SHOX: variants seen among roughly 807,000 people sequenced by gnomAD.
SHOX encodes SHOX homeobox.
SHOX carries 12 observed loss-of-function variants against 29.6 expected under a neutral mutation model. The ratio of observed to expected loss-of-function variants is 0.41; its 90% CI spans 0.26 to 0.66. The LOEUF (loss-of-function observed/expected upper bound fraction) is 0.66. Among genes scored for constraint, SHOX ranks in the 30% least tolerant of loss-of-function variants. The pLI is 0.35. For missense variants in SHOX, 499 were observed against 437.7 expected, an observed-to-expected ratio of 1.14 and a Z score of -1.25; for synonymous variants, 214 against 200.6, an observed-to-expected ratio of 1.07 and a Z score of -0.57.
At chrX:657,192 A>C (rs1217025104) in intron 5 of SHOX, among the ~76,000 whole-genome samples, 1 of 152,204 alleles carries the variant, frequency 6.6e-6, no homozygotes, top group African/African-American at 2.4e-5. Flanking sequence ...AAAGCAATTC[A>C]CACAGAAATC....
chrX:625,641 C>A lies in SHOX; in HGVS notation c.-433+1039C>A, dbSNP rs1603281676. The stretch of plus-strand genomic sequence containing the variant: ...TCTGTCTCTGTCTGTATCTCTATCT[C>A]TGTCTCTCTTTCTCTCTGTCTTCGT... On this transcript the variant is annotated intron_variant, in intron 1 of 5. Transcript: ENST00000334060. Among the ~76,000 whole-genome samples the A allele has an allele frequency of 5.3e-5, 8 of 149,960 alleles. No homozygotes were observed. The South Asian group carries it at 8.9e-4, about 17-fold the overall frequency.
intron 5 of SHOX, among the ~76,000 whole-genome samples, chrX:658,271 G>A (rs1210328851): frequency 2.0e-5 from 3 of 151,922 alleles, no homozygotes; most frequent in East Asian, 1.9e-4. Flanking sequence ...CAGCACGCCC[G>A]GCCCCAGGTG....
chrX:629,983 C>T (rs1175566001), upstream of SHOX, among the ~76,000 whole-genome samples: 1 of 152,202 alleles, frequency 6.6e-6, no homozygotes, highest in Non-Finnish European at 1.5e-5. Flanking sequence ...CAGCGCGGCG[C>T]TAAGGGAGGA....
intron 1 of SHOX, among the ~76,000 whole-genome samples, chrX:625,737 T>C (rs1402509720): frequency 6.7e-6 from 1 of 148,950 alleles, no homozygotes; most frequent in East Asian, 2.0e-4. Context: ...CCTCTCTCTC[T>C]GTCTCTTTTT....
At chrX:639,284 G>A (rs752989829) in intron 2 of SHOX, among the ~76,000 whole-genome samples, 5 of 152,312 alleles carry the variant, frequency 3.3e-5, no homozygotes, top group African/African-American at 9.6e-5. Context: ...ATCCTTGGGC[G>A]TCCTCATGAC....
In SHOX at chrX:638,112, T is replaced by C. The variant is rs192878375; in HGVS notation, c.487-2709T>C. On this transcript the variant is annotated intron_variant, in intron 2 of 4. Transcript: ENST00000686671. ...TTGGGAAAGAAAGCGGGGAGTGCTC[T>C]TTAATGAAGAAATAACTGTCTTAAG... 9.2e-5 allele frequency among the ~76,000 whole-genome samples: 14 copies of C among 152,338 alleles called. No individual in the cohort carries two copies. In the East Asian group the frequency reaches 1.2e-3, roughly 13 times the overall value.
rs148391229 is a variant in SHOX at position 643,188 on chromosome X, T to A, written c.634-1203T>A. On this transcript the variant is annotated intron_variant, in intron 4 of 4. Transcript: ENST00000686671. ...GGGGATCTGGTGTCCCAGGAGAGGC[T>A]TGGGGACCTGGTGTCTCTGGAAGAG... Among the ~76,000 whole-genome samples, 844 of 136,968 alleles carry A rather than the reference T, an allele frequency of 6.2e-3. 10 individuals carry two copies. The highest frequency in any genetic ancestry group is 0.02 in the African/African-American group (703 of 35,406). The allele number at this position is 136,968 out of a possible 152,430, so 89.9% of individuals were successfully genotyped here. A position where few individuals can be genotyped will look rare whatever the true frequency, so the allele number is the denominator to read the frequency against.
At chrX:638,150 C>T (rs975426730) in intron 2 of SHOX, among the ~76,000 whole-genome samples, 2 of 152,188 alleles carry the variant, frequency 1.3e-5, no homozygotes, top group Non-Finnish European at 2.9e-5. Flanking sequence ...GTGTCACACA[C>T]TTCACTTACC....
Position 649,924 on chromosome X carries a change from C to G in SHOX, c.*5288C>G. On this transcript the variant is annotated 3_prime_UTR_variant, in exon 5 of 5. Coordinates refer to ENST00000686671, the MANE Select transcript of SHOX (RefSeq NM_000451.4). ...ATATCCACTTTTCTCTCTCTTTTCT[C>G]TCTCTCTGACTGCGAAGCACCCACA... 1 of 456,052 alleles carries G rather than the reference C, an allele frequency of 2.2e-6. No individual in the cohort carries two copies. The highest frequency in any genetic ancestry group is 4.4e-6 in the Non-Finnish European group (1 of 226,796). 28.3% of individuals were successfully genotyped at this position (456,052 alleles called of 1,614,324 possible).
rs2052944718 is a variant in SHOX at position 645,283 on chromosome X, C to T, written c.*647C>T. On this transcript the variant is annotated 3_prime_UTR_variant, in exon 5 of 5. Coordinates refer to ENST00000686671, the MANE Select transcript of SHOX (RefSeq NM_000451.4). ...GAAAGGGAGGGGAGGGAGACCCGAA[C>T]CTCCCACGTTGGGACTCCCACGTTC... 2 of 151,886 alleles carry T rather than the reference C, an allele frequency of 1.3e-5. No individual in the cohort carries two copies. Among genetic ancestry groups the T allele is most frequent in the African/African-American group, 2.4e-5 (1 of 41,322 alleles). 9.4% of individuals were successfully genotyped at this position (151,886 alleles called of 1,614,324 possible). A position where few individuals can be genotyped will look rare whatever the true frequency, so the allele number is the denominator to read the frequency against.
intron 1 of SHOX, among the ~76,000 whole-genome samples, chrX:625,582 G>A (rs1159904980): frequency 6.7e-6 from 1 of 148,890 alleles, no homozygotes; most frequent in Non-Finnish European, 1.5e-5. Context: ...GTCCATCTCT[G>A]TCTCTCTTTC....
intron 4 of SHOX, 63 bp from the exon 5 acceptor site, chrX:644,327 CG>C: frequency 6.9e-7 from 1 of 1,452,330 alleles, no homozygotes; most frequent in African/African-American, 1.5e-5. Context: ...TCCGGGGGCG[CG>C]GGGCGGAGCA....
chrX:626,858 GTCTCTGTCTCTCTTTGTCTCTCTCC>G (rs1290456404), upstream of SHOX, among the ~76,000 whole-genome samples: 1 of 134,814 alleles, frequency 7.4e-6, no homozygotes, highest in African/African-American at 2.8e-5. Flanking sequence ...CTCTCTGTCT[GTCTCTGTCTCTCTTTGTCTCTCTCC>G]TCTCTGTCTC....
rs1569495908 is a variant in SHOX at position 650,335 on chromosome X, C to CTGGGAGG, written c.*5699_*5700insTGGGAGG. Among the ~76,000 whole-genome samples the CTGGGAGG allele has an allele frequency of 6.6e-6, 1 of 151,790 alleles. No homozygotes were observed. The highest frequency in any genetic ancestry group is 1.9e-4 in the East Asian group (1 of 5,142). On this transcript the variant is annotated 3_prime_UTR_variant, in exon 5 of 5. Coordinates refer to ENST00000686671, the MANE Select transcript of SHOX (RefSeq NM_000451.4). ...TGTCGTAGGAATGGCCTCTCCATCC[C>CTGGGAGG]GCCAAAGTCCAGCCAGGCCCCCGAA...
intron 2 of SHOX, among the ~76,000 whole-genome samples, chrX:637,108 G>A (rs1156347908): frequency 6.6e-6 from 1 of 151,900 alleles, no homozygotes; most frequent in Admixed American, 6.6e-5. Flanking sequence ...AGCCCAGGAG[G>A]GAGAGAGGCT....
intron 5 of SHOX, among the ~76,000 whole-genome samples, chrX:656,667 C>T (rs2053150557): frequency 6.6e-6 from 1 of 152,054 alleles, no homozygotes; most frequent in Non-Finnish European, 1.5e-5. Context: ...CGGTGAAACC[C>T]CGTCTCTACT....
At position 646,664 on chromosome X, in the gene SHOX, C is replaced by A. The variant is rs1407342694; in HGVS notation, c.*2028C>A. Reference sequence around the variant, plus strand: ...GATATTCTTTATACAAACCAAAAGTCCCCTTCAACATTTTTTATGTCAAAA... The same window carrying A: ...GATATTCTTTATACAAACCAAAAGTACCCTTCAACATTTTTTATGTCAAAA... On this transcript the variant is annotated 3_prime_UTR_variant, in exon 5 of 5. Coordinates refer to ENST00000686671, the MANE Select transcript of SHOX (RefSeq NM_000451.4). The A allele has an allele frequency of 1.3e-5, 2 of 151,976 alleles. No homozygotes were observed. Among genetic ancestry groups the A allele is most frequent in the African/African-American group, 4.8e-5 (2 of 41,378 alleles). The allele number at this position is 151,976 out of a possible 1,614,324, so 9.4% of individuals were successfully genotyped here. A position where few individuals can be genotyped will look rare whatever the true frequency, so the allele number is the denominator to read the frequency against.
upstream of SHOX, among the ~76,000 whole-genome samples, chrX:626,671 GTATCTCTGTC>G (rs1458888804): frequency 5.2e-3 from 426 of 82,644 alleles, no homozygotes; most frequent in African/African-American, 0.02. Context: ...CTCTGTCTCT[GTATCTCTGTC>G]TATCTCTGTC....
At chrX:639,544 G>A (rs891606738) in intron 2 of SHOX, among the ~76,000 whole-genome samples, 1 of 152,212 alleles carries the variant, frequency 6.6e-6, no homozygotes, top group Non-Finnish European at 1.5e-5. Context: ...TGGAAACTTC[G>A]GTTCTCCTAC....
Sources: gnomAD v4.1 joint callset for allele counts (sites outside exome capture counted in the v4.1 genomes callset) on GRCh38, gnomAD v4.1.1 for gene constraint, MANE v1.5 for transcripts, NCBI Gene and HGNC (gene_info 2026-07-23, HGNC 2026-07-21) for gene names.